MED23: variants seen among roughly 807,000 people sequenced by gnomAD.
MED23 encodes the protein mediator of RNA polymerase II transcription subunit 23.
In MED23, 105 loss-of-function variants were observed where a neutral mutation model predicts 163.9. The observed-to-expected ratio is 0.64, with a 90% CI of 0.55 to 0.75. The LOEUF is 0.75. Among genes scored for constraint, MED23 ranks in the 30% least tolerant of loss-of-function variants. The pLI, the probability that MED23 is intolerant of heterozygous loss-of-function variation, is 0.00. For synonymous variants in MED23, 561 were observed against 565.6 expected (o/e 0.99, Z 0.12); for missense variants, 1,054 against 1,649.0 (o/e 0.64, Z 6.25).
downstream of MED23, chr6:131,584,302 T>G (rs1774091198): frequency 1.0e-5 from 2 of 200,680 alleles, no homozygotes; most frequent in South Asian, 1.8e-4. Flanking sequence ...AAAATGTGAT[T>G]TTTTATAATA....
rs568459722 is a variant in MED23, at chr6:131,606,655, A to C, written c.1222-31T>G. ...AAATAACAATTTGAAAAATAACACA[A>C]TAGAAGAAAGAGAAGAATTAAATAA... On this transcript the variant is annotated intron_variant, in intron 12 of 28. Coordinates refer to ENST00000368068, the MANE Select transcript of MED23 (RefSeq NM_004830.4). 25 of 1,534,602 alleles carry C rather than the reference A, an allele frequency of 1.6e-5. No individual in the cohort carries two copies. In the South Asian group the frequency reaches 2.6e-4, roughly 16 times the overall value.
chr6:131,614,532 C>G (rs900043869), intron 10 of MED23, among the ~76,000 whole-genome samples: 2 of 152,062 alleles, frequency 1.3e-5, no homozygotes, highest in Admixed American at 6.6e-5. Flanking sequence ...GGTGAAAAGT[C>G]CTGGAACAGA....
At chr6:131,590,468 T>C (rs1027162107) in intron 26 of MED23, 26 bp from the exon 27 acceptor site, 13 of 1,553,750 alleles carry the variant, frequency 8.4e-6, no homozygotes, top group Non-Finnish European at 1.2e-5. Flanking sequence ...AAAAATCTCC[T>C]GTGACTTGAA....
rs751184913 is a variant in MED23 at position 131,621,891 on chromosome 6, G to T, written c.485C>A (p.Ala162Glu). ...VSSAVVQQLL[A>E]AREVIAYILE... Reference sequence around the variant, plus strand: ...ACATGTCTAAATTACCTCTCTTGCTGCCAGAAGCTGCTGTACAACAGCAGA... The same window carrying T: ...ACATGTCTAAATTACCTCTCTTGCTTCCAGAAGCTGCTGTACAACAGCAGA... The change falls in exon 6 of 29, where the codon GCA (alanine) becomes GAA (glutamate). Residue 162 changes from alanine to glutamate, a missense_variant. By Grantham distance (107) the Ala-to-Glu change is moderately radical. Coordinates refer to ENST00000368068, the MANE Select transcript of MED23 (RefSeq NM_004830.4). The T allele has an allele frequency of 2.5e-6, 4 of 1,606,868 alleles. No individual in the cohort carries two copies. The African/African-American group carries it at 4.0e-5, about 16-fold the overall frequency.
chr6:131,626,414 A>G (rs1022477615), intron 3 of MED23, among the ~76,000 whole-genome samples: 1 of 148,616 alleles, frequency 6.7e-6, no homozygotes, highest in Non-Finnish European at 1.5e-5. Flanking sequence ...GCTGCTATTT[A>G]AAAAAAAAAG....
intron 10 of MED23, among the ~76,000 whole-genome samples, chr6:131,614,605 T>C (rs1186497601): frequency 6.6e-6 from 1 of 152,050 alleles, no homozygotes; most frequent in Admixed American, 6.6e-5. Flanking sequence ...CCACCACAGG[T>C]GAGCTCCAGT....
intron 28 of MED23, 119 bp downstream of exon 28, chr6:131,589,346 C>T: frequency 9.8e-7 from 1 of 1,016,690 alleles, no homozygotes; most frequent in Non-Finnish European, 1.5e-6. Context: ...ACCCTTTTTC[C>T]TTAAAAGAAA....
chr6:131,597,857 G>A (rs1775182773), intron 20 of MED23, among the ~76,000 whole-genome samples: 1 of 152,080 alleles, frequency 6.6e-6, no homozygotes, highest in Non-Finnish European at 1.5e-5. Flanking sequence ...AAGCTGAAGA[G>A]GGAGGATTGC....
chr6:131,621,672 T>C (rs574542449), intron 6 of MED23, among the ~76,000 whole-genome samples: 2 of 152,366 alleles, frequency 1.3e-5, no homozygotes, highest in African/African-American at 2.4e-5. Flanking sequence ...TTCTATTTCA[T>C]TGTTTTCATA....
intron 10 of MED23, among the ~76,000 whole-genome samples, chr6:131,612,628 C>T (rs928750172): frequency 1.3e-5 from 2 of 152,016 alleles, no homozygotes; most frequent in Non-Finnish European, 2.9e-5. Flanking sequence ...AACTATATGC[C>T]TATTTAGTTA....
chr6:131,615,329 C>G (rs2114724932), intron 10 of MED23: 1 of 1,611,164 alleles, frequency 6.2e-7, no homozygotes. Flanking sequence ...CATACCTGAG[C>G]AATGTTCAAG....
intron 10 of MED23, 99 bp downstream of exon 10, chr6:131,615,808 T>C (rs1327962189): frequency 1.3e-5 from 11 of 826,628 alleles, no homozygotes; most frequent in Non-Finnish European, 2.3e-5. Context: ...CACTAAATAG[T>C]TCTTAACTGT....
In MED23 at chr6:131,591,302, A is replaced by C; in HGVS notation, c.3686+11T>G. 6.3e-7 allele frequency: 1 copy of C among 1,598,818 alleles called. No homozygotes were observed. Among genetic ancestry groups the C allele is most frequent in the South Asian group, 1.1e-5 (1 of 90,746 alleles). On this transcript the variant is annotated intron_variant, in intron 26 of 28. Transcript: ENST00000368068. ...CTACGTCAAATTTCTTTAAGAAATT[A>C]TTATACTTACTTTGGAATGAGAGAA...
chr6:131,604,459 T>C (rs1408931276), intron 14 of MED23, 139 bp from the exon 15 acceptor site: 1 of 991,290 alleles, frequency 1.0e-6, no homozygotes, highest in Non-Finnish European at 1.5e-6. Flanking sequence ...GTGTTTAAGC[T>C]GTGCAGGACA....
At chr6:131,607,504 C>G (rs536719484) in intron 12 of MED23, among the ~76,000 whole-genome samples, 1 of 152,086 alleles carries the variant, frequency 6.6e-6, no homozygotes, top group South Asian at 2.1e-4. Flanking sequence ...GAGATCACGC[C>G]ACTGCACTCC....
At chr6:131,615,699 CT>C in intron 10 of MED23, 1 of 630,944 alleles carries the variant, frequency 1.6e-6, no homozygotes, top group Non-Finnish European at 2.8e-6. Flanking sequence ...AATAAACCAA[CT>C]TTAAAAATTT....
chr6:131,595,237 A>G (rs1454137216), intron 22 of MED23, among the ~76,000 whole-genome samples: 1 of 152,180 alleles, frequency 6.6e-6, no homozygotes, highest in Non-Finnish European at 1.5e-5. Context: ...CCTTATAACC[A>G]GCCAATCAAG....
chr6:131,616,764 T>C (rs745916167), intron 9 of MED23, among the ~76,000 whole-genome samples: 3 of 152,150 alleles, frequency 2.0e-5, no homozygotes, highest in Admixed American at 6.5e-5. Flanking sequence ...GAGGGTGCGG[T>C]GAGCTGTGAT....
intron 12 of MED23, 93 bp downstream of exon 12, chr6:131,607,835 A>G (rs1775972345): frequency 1.4e-6 from 2 of 1,396,704 alleles, no homozygotes; most frequent in South Asian, 2.4e-5. Flanking sequence ...CATAAACTTT[A>G]GAAATACACA....
Sources: allele counts gnomAD v4.1 joint callset (sites outside exome capture counted in the v4.1 genomes callset), GRCh38; gene constraint gnomAD v4.1.1; transcripts MANE v1.5; gene names NCBI Gene and HGNC (gene_info 2026-07-23, HGNC 2026-07-21).